CNBD1: variants seen among roughly 807,000 people sequenced by gnomAD.
CNBD1 encodes the protein cyclic nucleotide-binding domain-containing protein 1.
In CNBD1, 71 loss-of-function variants were observed where a neutral mutation model predicts 54.4. The ratio of observed to expected loss-of-function variants is 1.30; its 90% confidence interval spans 1.08 to 1.59. The LOEUF is 1.59. CNBD1 is among the 40% of genes most tolerant of loss of function. The pLI, the probability that CNBD1 is intolerant of heterozygous loss-of-function variation, is 0.00. For synonymous variants in CNBD1, 182 were observed against 170.7 expected (o/e 1.07, Z -0.51); for missense variants, 659 against 518.0 (o/e 1.27, Z -2.64).
chr8:87,254,248 T>TA (rs1807965100), intron 6 of CNBD1, among the ~76,000 whole-genome samples: 1 of 151,816 alleles, frequency 6.6e-6, no homozygotes, highest in African/African-American at 2.4e-5. Flanking sequence ...AGCCTGAGAA[T>TA]AAAAAGAAGG....
At chr8:87,399,825 GT>G (rs745320099) in intron 2 of CNBD1, among the ~76,000 whole-genome samples, 11 of 152,052 alleles carry the variant, frequency 7.2e-5, no homozygotes, top group Non-Finnish European at 1.3e-4. Flanking sequence ...GTATTTCAAT[GT>G]TTTAACTGGT....
rs553924816 is a variant in CNBD1, at chr8:87,161,951, G to A, written c.432-44042G>A. Among the ~76,000 whole-genome samples, 44 of 152,060 alleles carry A rather than the reference G, an allele frequency of 2.9e-4. No homozygotes were observed. In the East Asian group the frequency reaches 7.5e-3, roughly 26 times the overall value. ...ATGAATTAGAAATGTAAAATCGAGA[G>A]TAAAACTAAAGACAAAAATATGATG... is the stretch of plus-strand genomic sequence containing the variant. On this transcript the variant is annotated intron_variant, in intron 4 of 10. Transcript: ENST00000518476.
intron 4 of CNBD1, among the ~76,000 whole-genome samples, chr8:86,982,172 G>GT (rs1311501353): frequency 6.6e-6 from 1 of 152,114 alleles, no homozygotes; most frequent in African/African-American, 2.4e-5. Context: ...TGTTGAACAT[G>GT]TTTTATGGGC....
intron 4 of CNBD1, among the ~76,000 whole-genome samples, chr8:87,191,950 C>G (rs922807037): frequency 6.6e-6 from 1 of 152,022 alleles, no homozygotes; most frequent in Admixed American, 6.6e-5. Context: ...CTAAATTTGA[C>G]AAGAATTCTA....
At chr8:87,157,911 C>G (rs1408440864) in intron 4 of CNBD1, among the ~76,000 whole-genome samples, 1 of 152,002 alleles carries the variant, frequency 6.6e-6, no homozygotes, top group African/African-American at 2.4e-5. Context: ...CAAAGAGAAC[C>G]CACATATTCT....
intron 8 of CNBD1, among the ~76,000 whole-genome samples, chr8:87,338,879 G>A (rs114284088): frequency 1.4e-3 from 212 of 152,162 alleles, no homozygotes; most frequent in African/African-American, 4.8e-3. Flanking sequence ...TGGTTGTAAG[G>A]TGTGTGGGTG....
chr8:86,902,810 C>T (rs1200201217), intron 2 of CNBD1, among the ~76,000 whole-genome samples: 1 of 152,036 alleles, frequency 6.6e-6, no homozygotes, highest in South Asian at 2.1e-4. Context: ...TACTCTCCAA[C>T]TCTACCATAA....
chr8:86,902,169 T>C (rs1247246614), intron 2 of CNBD1, among the ~76,000 whole-genome samples: 1 of 152,120 alleles, frequency 6.6e-6, no homozygotes, highest in Admixed American at 6.6e-5. Flanking sequence ...TCCTCCAAAC[T>C]TTATCTACTT....
At chr8:87,018,839 T>G (rs1445791304) in intron 4 of CNBD1, among the ~76,000 whole-genome samples, 1 of 152,208 alleles carries the variant, frequency 6.6e-6, no homozygotes, top group African/African-American at 2.4e-5. Context: ...AGGGATAAAA[T>G]TAAAACAAAA....
chr8:87,395,121 A>G (rs574543632), intron 2 of CNBD1, among the ~76,000 whole-genome samples: 1 of 152,036 alleles, frequency 6.6e-6, no homozygotes, highest in South Asian at 2.1e-4. Context: ...AAATATGACT[A>G]TAGAGTCCTT....
At chr8:87,421,537 G>C (rs922319789) in intron 2 of CNBD1, among the ~76,000 whole-genome samples, 7 of 149,734 alleles carry the variant, frequency 4.7e-5, no homozygotes, top group African/African-American at 1.7e-4. Flanking sequence ...TTGGTTTTTT[G>C]TTCTTGCGAT....
intron 2 of CNBD1, among the ~76,000 whole-genome samples, chr8:87,402,735 C>T (rs1344899129): frequency 3.3e-5 from 5 of 151,890 alleles, no homozygotes; most frequent in African/African-American, 7.3e-5. Flanking sequence ...AAATCCAGTG[C>T]CATTAAAGTG....
At chr8:87,042,160 G>A (rs1025973807) in intron 4 of CNBD1, among the ~76,000 whole-genome samples, 1 of 152,204 alleles carries the variant, frequency 6.6e-6, no homozygotes, top group Non-Finnish European at 1.5e-5. Context: ...AGGAAGATGG[G>A]TTGGCCAAAG....
In CNBD1 at chr8:86,866,663, G is replaced by T. The variant is rs879042730; in HGVS notation, c.88+80G>T. On this transcript the variant is annotated intron_variant, in intron 1 of 10. Coordinates refer to ENST00000518476, the MANE Select transcript of CNBD1 (RefSeq NM_173538.3). ...CTTACCCCAGCTATGAAAATTGGGGGTATTTCAGGGTTGATAGGGACATTG... is the reference window on the plus strand; with the variant it reads ...CTTACCCCAGCTATGAAAATTGGGGTTATTTCAGGGTTGATAGGGACATTG... 2.0e-4 allele frequency: 206 copies of T among 1,010,262 alleles called. 4 individuals are homozygous for T. In the South Asian group the frequency reaches 2.6e-3, roughly 13 times the overall value. The allele number at this position is 1,010,262 out of a possible 1,614,324, so 62.6% of individuals were successfully genotyped here.
At chr8:87,111,932 G>A (rs1329424427) in intron 4 of CNBD1, among the ~76,000 whole-genome samples, 2 of 152,098 alleles carry the variant, frequency 1.3e-5, no homozygotes, top group African/African-American at 2.4e-5. Flanking sequence ...GCTCAGTTCT[G>A]CAACTTTATC....
chr8:86,909,227 A>C lies in CNBD1; in HGVS notation c.272+4033A>C, dbSNP rs1325826606. ...AGATTTACATCTATATCTTATATTT[A>C]GAATACATAATTGTAAAGGTACTAA... On this transcript the variant is annotated intron_variant, in intron 3 of 10. Transcript: ENST00000518476. 3.3e-5 allele frequency among the ~76,000 whole-genome samples: 5 copies of C among 152,232 alleles called. No homozygotes were observed. In the East Asian group the frequency reaches 9.6e-4, roughly 29 times the overall value.
intron 6 of CNBD1, among the ~76,000 whole-genome samples, chr8:87,280,251 A>G (rs1215355458): frequency 2.6e-5 from 4 of 151,608 alleles, no homozygotes; most frequent in Admixed American, 2.0e-4. Flanking sequence ...TGCACTTTTT[A>G]TAAAGGCCAT....
intron 3 of CNBD1, among the ~76,000 whole-genome samples, chr8:86,910,993 T>G (rs77180501): frequency 0.088 from 13,465 of 152,210 alleles, 826 homozygotes; most frequent in African/African-American, 0.18. Context: ...TTAGGATTAG[T>G]TGTGCTGTTT....
chr8:87,111,620 G>A (rs1184705688), intron 4 of CNBD1, among the ~76,000 whole-genome samples: 1 of 152,114 alleles, frequency 6.6e-6, no homozygotes, highest in Non-Finnish European at 1.5e-5. Context: ...AACTGGGAAA[G>A]GGATTGACTT....
Sources: gnomAD v4.1 joint callset for allele counts (sites outside exome capture counted in the v4.1 genomes callset) on GRCh38, gnomAD v4.1.1 for gene constraint, MANE v1.5 for transcripts, NCBI Gene and HGNC (gene_info 2026-07-23, HGNC 2026-07-21) for gene names.